Variants in MTMR10 observed in about 807,000 individuals in gnomAD.
MTMR10 encodes the protein myotubularin related protein 10, also known as myotubularin-related protein 10.
Under a neutral mutation model 88.1 loss-of-function variants are expected in MTMR10, and 56 were observed. That is an observed-to-expected ratio of 0.64 (90% CI 0.51 to 0.79). The LOEUF is 0.79. Among genes scored for constraint, MTMR10 ranks in the 30% least tolerant of loss-of-function variants. The probability of loss-of-function intolerance (pLI) is 0.00; values close to 1 mark genes in which losing one functional copy is unlikely to be tolerated. For synonymous variants in MTMR10, 380 were observed against 340.9 expected (o/e 1.11, Z -1.26); for missense variants, 883 against 924.7 (o/e 0.95, Z 0.58).
At chr15:30,968,356 A>G (rs1414934176) in intron 5 of MTMR10, 2 of 187,290 alleles carry the variant, frequency 1.1e-5, no homozygotes, top group Admixed American at 6.1e-5. Flanking sequence ...ACTCCAAAAA[A>G]GGAAGAAAAA....
At chr15:30,934,979 A>G (rs143741527), downstream of MTMR10, among the ~76,000 whole-genome samples, 1,263 of 152,238 alleles carry the variant, frequency 8.3e-3, 18 homozygotes, top group African/African-American at 0.028. Flanking sequence ...AGTGCTTGCT[A>G]TTCTTTTGTG....
At position 30,951,981 on chromosome 15, in the gene MTMR10, A is replaced by G. The variant is rs1360182650; in HGVS notation, c.1194T>C (p.Ser398=). ...TACTTTAGTTACCTTGTAGGACTAC[A>G]GAGAGATGTTTGCTTTCTAGCATGT... The part of the protein sequence containing the change: ...LVYMLESKHL[S]VVLQEEEGRD... The change falls in exon 12 of 16, where the codon TCT becomes TCC. Residue 398 remains serine (S), a synonymous_variant. Coordinates refer to ENST00000435680, the MANE Select transcript of MTMR10 (RefSeq NM_017762.3). 1.2e-6 allele frequency: 2 copies of G among 1,613,620 alleles called. No individual in the cohort carries two copies.
the MTMR10 span, chr15:30,926,741 G>A: frequency 7.8e-5 from 77 of 985,276 alleles, no homozygotes; most frequent in Admixed American, 1.2e-4. Flanking sequence ...CTGGACACTC[G>A]CTGGAGGAGG....
chr15:30,921,976 C>CTGGTT, the MTMR10 span, among the ~76,000 whole-genome samples: 1 of 152,166 alleles, frequency 6.6e-6, no homozygotes, highest in African/African-American at 2.4e-5. Context: ...AGATAACACT[C>CTGGTT]TGCAGCACTC....
intron 2 of MTMR10, 119 bp from the exon 3 acceptor site, chr15:30,977,074 T>C (rs2030208150): frequency 6.5e-6 from 6 of 923,964 alleles, no homozygotes; most frequent in South Asian, 5.0e-5. Flanking sequence ...CATTCACCAA[T>C]TGCCCACCAG....
intron 15 of MTMR10, chr15:30,942,391 A>G: frequency 5.3e-6 from 2 of 375,862 alleles, no homozygotes; most frequent in Middle Eastern, 7.5e-4. Flanking sequence ...TCTATCAAGA[A>G]CAATGGCAAA....
At chr15:30,937,258 A>G (rs1566937386), downstream of MTMR10, 1 of 1,610,594 alleles carries the variant, frequency 6.2e-7, no homozygotes, top group African/African-American at 1.3e-5. Context: ...CTTAGCTAAA[A>G]GGTATGGAAT....
At chr15:30,932,308 T>C in the MTMR10 span, among the ~76,000 whole-genome samples, 3 of 152,022 alleles carry the variant, frequency 2.0e-5, no homozygotes, top group African/African-American at 7.3e-5. Flanking sequence ...ATTGGTATCT[T>C]AACAGCATTA....
At chr15:30,959,328 A>G (rs1328725661) in intron 7 of MTMR10, among the ~76,000 whole-genome samples, 1 of 152,216 alleles carries the variant, frequency 6.6e-6, no homozygotes, top group Admixed American at 6.5e-5. Flanking sequence ...TTAAAAATCT[A>G]AATTTATAGC....
chr15:30,941,097 C>G lies in MTMR10; in HGVS notation c.*373G>C. Reference sequence around the variant, plus strand: ...TTATCAGATGCTCCTAAAAATGACACGAAACACAAATTTCCTAACTTTCCT... The same window carrying G: ...TTATCAGATGCTCCTAAAAATGACAGGAAACACAAATTTCCTAACTTTCCT... On this transcript the variant is annotated 3_prime_UTR_variant, in exon 16 of 16. Transcript: ENST00000435680. 1.6e-6 allele frequency: 2 copies of G among 1,227,266 alleles called. No individual in the cohort carries two copies. The highest frequency in any genetic ancestry group is 2.8e-5 in the South Asian group (2 of 70,248). The allele number at this position is 1,227,266 out of a possible 1,614,324, so 76.0% of individuals were successfully genotyped here.
downstream of MTMR10, among the ~76,000 whole-genome samples, chr15:30,933,942 TG>T (rs2062784974): frequency 6.6e-6 from 1 of 152,024 alleles, no homozygotes; most frequent in Non-Finnish European, 1.5e-5. Flanking sequence ...TTTTATTTTT[TG>T]TAGAGATGGG....
chr15:30,925,649 G>T, the MTMR10 span: 1 of 968,152 alleles, frequency 1.0e-6, no homozygotes, highest in Non-Finnish European at 1.6e-6. Flanking sequence ...GCAGTTCTGC[G>T]TGTGTGAGCC....
At chr15:30,949,257 A>G (rs1208983262) in intron 12 of MTMR10, 2 of 152,234 alleles carry the variant, frequency 1.3e-5, no homozygotes, top group African/African-American at 4.8e-5. Context: ...TTCCCATTTC[A>G]CTGGTGAAAG....
chr15:30,928,911 G>C, the MTMR10 span: 2 of 511,680 alleles, frequency 3.9e-6, no homozygotes, highest in Non-Finnish European at 5.0e-6. Flanking sequence ...ATCAGCATCA[G>C]CCCTCCCGAG....
the MTMR10 span, among the ~76,000 whole-genome samples, chr15:30,929,780 TATATC>T: frequency 5.4e-5 from 1 of 18,682 alleles, no homozygotes; most frequent in Non-Finnish European, 7.6e-5. Flanking sequence ...TATAATATAT[TATATC>T]ATATATAATA....
chr15:30,963,654 T>TAGATAGATAGACAGAC (rs3838865), intron 6 of MTMR10, among the ~76,000 whole-genome samples: 73,104 of 145,634 alleles, frequency 0.5, 19,226 homozygotes, highest in East Asian at 0.95. Flanking sequence ...AATAGACAGA[T>TAGATAGATAGACAGAC]AGATAGATAG....
chr15:30,936,887 CAG>C (rs2062869961), downstream of MTMR10, among the ~76,000 whole-genome samples: 2 of 152,166 alleles, frequency 1.3e-5, no homozygotes, highest in African/African-American at 4.8e-5. Context: ...GATCAACACT[CAG>C]AGTATGGTTT....
intron 2 of MTMR10, among the ~76,000 whole-genome samples, chr15:30,985,339 A>G (rs2030874940): frequency 1.3e-5 from 2 of 152,244 alleles, no homozygotes; most frequent in Admixed American, 1.3e-4. Flanking sequence ...GGGCAAAGAC[A>G]AGGACAGAGC....
the MTMR10 span, among the ~76,000 whole-genome samples, chr15:30,931,480 CAT>C: frequency 1.3e-5 from 2 of 152,188 alleles, no homozygotes; most frequent in Non-Finnish European, 2.9e-5. Flanking sequence ...TTTGGTGTCA[CAT>C]GTCAGAAATA....
Sources: allele counts gnomAD v4.1 joint callset (sites outside exome capture counted in the v4.1 genomes callset), GRCh38; gene constraint gnomAD v4.1.1; transcripts MANE v1.5; gene names NCBI Gene and HGNC (gene_info 2026-07-23, HGNC 2026-07-21).